Variants in CCDC13 observed in about 807,000 individuals in gnomAD.
CCDC13 encodes the protein coiled-coil domain-containing protein 13.
In CCDC13, 70 loss-of-function variants were observed where a neutral mutation model predicts 87.3. The observed-to-expected ratio is 0.80, with a 90% CI of 0.66 to 0.98. CCDC13 has a LOEUF of 0.98. Ranked by LOEUF, CCDC13 falls within the 50% of genes least tolerant of loss-of-function variation. The pLI, the probability that CCDC13 is intolerant of heterozygous loss-of-function variation, is 0.00. For synonymous variants in CCDC13, 317 were observed against 360.3 expected (o/e 0.88, Z 1.36); for missense variants, 842 against 892.0 (o/e 0.94, Z 0.71).
chr3:42,746,262 A>T (rs180924060), intron 6 of CCDC13: 111 of 487,628 alleles, frequency 2.3e-4, no homozygotes, highest in African/African-American at 1.9e-3. Context: ...CAGCCAAGAA[A>T]CTGCCAGCAA....
At chr3:42,726,819 C>T (rs377732987) in intron 13 of CCDC13, among the ~76,000 whole-genome samples, 10 of 151,496 alleles carry the variant, frequency 6.6e-5, no homozygotes, top group African/African-American at 9.7e-5. Context: ...TGTGTGTATA[C>T]GTATATGTAT....
At chr3:42,738,143 C>T (rs184996969) in intron 9 of CCDC13, among the ~76,000 whole-genome samples, 1,721 of 152,270 alleles carry the variant, frequency 0.011, 40 homozygotes, top group African/African-American at 0.039. Flanking sequence ...AGCCAGTTTT[C>T]CCAGCACCAC....
chr3:42,752,369 C>T (rs930440236), intron 4 of CCDC13, among the ~76,000 whole-genome samples: 1 of 152,206 alleles, frequency 6.6e-6, no homozygotes, highest in African/African-American at 2.4e-5. Context: ...TACAGATGAA[C>T]AGATGAGGCC....
chr3:42,728,010 A>C (rs1400538436), intron 13 of CCDC13, among the ~76,000 whole-genome samples: 1 of 152,284 alleles, frequency 6.6e-6, no homozygotes, highest in Admixed American at 6.5e-5. Flanking sequence ...ATTTAAGAAC[A>C]AAGCCGACTA....
At chr3:42,753,177 C>T (rs1699626631) in intron 3 of CCDC13, among the ~76,000 whole-genome samples, 1 of 152,180 alleles carries the variant, frequency 6.6e-6, no homozygotes. Flanking sequence ...GCTTGAAAAG[C>T]ACTCGTGCAG....
chr3:42,735,805 G>A lies in CCDC13; in HGVS notation c.1273C>T (p.Arg425Trp), dbSNP rs777005407. 3.1e-6 allele frequency: 5 copies of A among 1,614,076 alleles called. No individual in the cohort carries two copies. The highest frequency in any genetic ancestry group is 1.7e-5 in the Admixed American group (1 of 60,012). ...AGCTGGGCGACTAGGCTGTTGCTCC[G>A]CTGAGCCTCGCTGTTCAGTTGCTGG... Reference protein sequence around the residue: ...LDQQLNSEAQRSNSLVAQLQA... With the variant: ...LDQQLNSEAQWSNSLVAQLQA... Residue 425 changes from arginine to tryptophan, a missense_variant, in exon 10 of 16, where the codon CGG becomes TGG. By Grantham distance (101) the Arg-to-Trp change is moderately radical. Coordinates refer to ENST00000310232, the MANE Select transcript of CCDC13 (RefSeq NM_144719.4).
chr3:42,758,230 C>T lies in CCDC13; in HGVS notation c.116G>A (p.Ser39Asn). The change falls in exon 2 of 16, where the codon AGC becomes AAC. Residue 39 changes from serine to asparagine, a missense_variant. Ser to Asn is a conservative substitution (Grantham distance 46). Coordinates refer to ENST00000310232, the MANE Select transcript of CCDC13 (RefSeq NM_144719.4). ...TTGGTCGTCAGCTCTGCTTTTGAGGCTCAGTTCTTTTTCCCTCTTTTTCTC... is the reference window on the plus strand; with the variant it reads ...TTGGTCGTCAGCTCTGCTTTTGAGGTTCAGTTCTTTTTCCCTCTTTTTCTC... ...QMEKKREKEL[S>N]LKSRADDQEE... 1.2e-6 allele frequency: 2 copies of T among 1,614,038 alleles called. No homozygotes were observed. Among genetic ancestry groups the T allele is most frequent in the African/African-American group, 1.3e-5 (1 of 75,054 alleles).
At chr3:42,735,586 A>G (rs1698981803) in intron 10 of CCDC13, 121 bp downstream of exon 10, 2 of 1,045,498 alleles carry the variant, frequency 1.9e-6, no homozygotes, top group Non-Finnish European at 2.9e-6. Context: ...GCAGGTGGCC[A>G]AAGTGGAGCC....
Position 42,772,348 on chromosome 3 carries a change from A to G in CCDC13, c.-7+828T>C, listed in dbSNP as rs1378066789. ...GCTGCATGGAAAGAACTCTTGGCTC[A>G]GGTAGGACTTAGAGCCAGGGAGTAG... On this transcript the variant is annotated intron_variant, in intron 1 of 15. Coordinates refer to ENST00000310232, the MANE Select transcript of CCDC13 (RefSeq NM_144719.4). 2.0e-5 allele frequency among the ~76,000 whole-genome samples: 3 copies of G among 151,410 alleles called. No homozygotes were observed. In the East Asian group the frequency reaches 5.8e-4, roughly 29 times the overall value.
intron 1 of CCDC13, among the ~76,000 whole-genome samples, chr3:42,771,641 G>T (rs1199499395): frequency 2.0e-5 from 3 of 152,156 alleles, no homozygotes; most frequent in Non-Finnish European, 4.4e-5. Context: ...TGTGTTCCCA[G>T]TTACTCAGGA....
intron 1 of CCDC13, among the ~76,000 whole-genome samples, chr3:42,765,632 G>T (rs1321345164): frequency 1.3e-5 from 2 of 152,160 alleles, no homozygotes; most frequent in African/African-American, 4.8e-5. Flanking sequence ...TTGAGAATGA[G>T]AGGTGTTAAG....
At chr3:42,731,443 C>A (rs865927372) in intron 12 of CCDC13, among the ~76,000 whole-genome samples, 1 of 151,926 alleles carries the variant, frequency 6.6e-6, no homozygotes, top group South Asian at 2.1e-4. Context: ...CTCTGTGACT[C>A]CTAAATATGC....
intron 13 of CCDC13, among the ~76,000 whole-genome samples, chr3:42,720,571 G>T (rs965798385): frequency 6.6e-6 from 1 of 152,190 alleles, no homozygotes; most frequent in Non-Finnish European, 1.5e-5. Context: ...AGTTTTACAT[G>T]CGAGGTGTGT....
At chr3:42,724,242 T>A (rs1698634656) in intron 13 of CCDC13, among the ~76,000 whole-genome samples, 1 of 152,240 alleles carries the variant, frequency 6.6e-6, no homozygotes, top group African/African-American at 2.4e-5. Context: ...TTCTCCCCTA[T>A]AACGTGCCTT....
rs779250951 is a variant in CCDC13 at position 42,732,875 on chromosome 3, G to A, written c.1595+12C>T. The A allele has an allele frequency of 1.9e-5, 30 of 1,548,328 alleles. No individual in the cohort carries two copies. In the Admixed American group the frequency reaches 3.0e-4, roughly 15 times the overall value. On this transcript the variant is annotated intron_variant, in intron 12 of 15. Coordinates refer to ENST00000310232, the MANE Select transcript of CCDC13 (RefSeq NM_144719.4). ...AAAAAACTGTGAGAGTCCGGGGGTCGGGGGTCCATACCTAGGTGAGGTCCT... is the reference window on the plus strand; with the variant it reads ...AAAAAACTGTGAGAGTCCGGGGGTCAGGGGTCCATACCTAGGTGAGGTCCT...
At chr3:42,713,411 T>C in intron 13 of CCDC13, 95 bp from the exon 14 acceptor site, 1 of 1,260,858 alleles carries the variant, frequency 7.9e-7, no homozygotes, top group Non-Finnish European at 1.1e-6. Context: ...GGGCACATCT[T>C]ACATTGGTAG....
intron 3 of CCDC13, among the ~76,000 whole-genome samples, chr3:42,755,905 C>G (rs1699694386): frequency 6.6e-6 from 1 of 152,170 alleles, no homozygotes; most frequent in Non-Finnish European, 1.5e-5. Flanking sequence ...TCTCTACAGC[C>G]TTGCAAAAGT....
intron 11 of CCDC13, among the ~76,000 whole-genome samples, chr3:42,733,181 G>A (rs1365585906): frequency 2.6e-5 from 4 of 152,222 alleles, no homozygotes; most frequent in Non-Finnish European, 4.4e-5. Context: ...AACCCAACAC[G>A]GGTCTGTTTG....
At chr3:42,711,246 CAAAAAAAAAAAAA>C (rs1174084143) in intron 14 of CCDC13, among the ~76,000 whole-genome samples, 1 of 75,324 alleles carries the variant, frequency 1.3e-5, no homozygotes, top group Non-Finnish European at 2.4e-5. Context: ...ACTCTGTCTC[CAAAAAAAAAAAAA>C]AAAAAAAGAC....
Sources: gnomAD v4.1 joint callset for allele counts (sites outside exome capture counted in the v4.1 genomes callset) on GRCh38, gnomAD v4.1.1 for gene constraint, MANE v1.5 for transcripts, NCBI Gene and HGNC (gene_info 2026-07-23, HGNC 2026-07-21) for gene names.